The following CHRM3 variants were observed in gnomAD, a reference collection of about 807,000 sequenced individuals.
CHRM3 encodes muscarinic acetylcholine receptor M3.
In CHRM3, 11 loss-of-function variants were observed where a neutral mutation model predicts 41.8. The observed-to-expected ratio is 0.26, with a 90% confidence interval of 0.17 to 0.44. The LOEUF (loss-of-function observed/expected upper bound fraction) is 0.44. CHRM3 is among the 20% of genes least tolerant of loss of function. CHRM3 has a pLI of 1.00. For synonymous variants in CHRM3, 297 were observed against 301.4 expected (o/e 0.99, Z 0.15); for missense variants, 571 against 745.4 (o/e 0.77, Z 2.72).
At chr1:239,661,040 T>C (rs990456993) in intron 4 of CHRM3, among the ~76,000 whole-genome samples, 6 of 152,178 alleles carry the variant, frequency 3.9e-5, no homozygotes, top group African/African-American at 1.4e-4. Flanking sequence ...CTGAGGCATT[T>C]AAAAATAATA....
At chr1:239,491,280 A>G (rs1016328438) in intron 1 of CHRM3, among the ~76,000 whole-genome samples, 1 of 152,346 alleles carries the variant, frequency 6.6e-6, no homozygotes, top group Non-Finnish European at 1.5e-5. Flanking sequence ...GTAGAACACT[A>G]GAACTTATTC....
At chr1:239,575,035 A>T (rs961620584) in intron 3 of CHRM3, among the ~76,000 whole-genome samples, 5 of 152,212 alleles carry the variant, frequency 3.3e-5, no homozygotes, top group African/African-American at 1.2e-4. Context: ...ATAGTGGTAG[A>T]ATCTATGTCC....
At chr1:239,802,138 C>A (rs930659761) in intron 5 of CHRM3, among the ~76,000 whole-genome samples, 1 of 151,902 alleles carries the variant, frequency 6.6e-6, no homozygotes, top group East Asian at 1.9e-4. Flanking sequence ...AAACTTTGTA[C>A]AAGTTCAAGT....
At chr1:239,479,708 C>T (rs1419274327) in intron 1 of CHRM3, among the ~76,000 whole-genome samples, 1 of 152,062 alleles carries the variant, frequency 6.6e-6, no homozygotes, top group Non-Finnish European at 1.5e-5. Flanking sequence ...AATTGTAACA[C>T]AATGGTAAGT....
At chr1:239,621,077 T>C (rs1447984509) in intron 3 of CHRM3, among the ~76,000 whole-genome samples, 4 of 152,164 alleles carry the variant, frequency 2.6e-5, no homozygotes, top group Non-Finnish European at 5.9e-5. Context: ...ATTTTGGTAA[T>C]TCTTGTAGTA....
intron 5 of CHRM3, among the ~76,000 whole-genome samples, chr1:239,790,460 G>A (rs1245544922): frequency 6.6e-6 from 1 of 152,174 alleles, no homozygotes; most frequent in African/African-American, 2.4e-5. Context: ...GTTTTATAAA[G>A]GGGAGTTCCC....
chr1:239,733,380 T>C (rs148559309), intron 5 of CHRM3, among the ~76,000 whole-genome samples: 6 of 152,024 alleles, frequency 3.9e-5, no homozygotes, highest in Admixed American at 3.9e-4. Context: ...TCCCCCGTTG[T>C]CTCAAAGACT....
chr1:239,712,220 G>T (rs1469485994), intron 5 of CHRM3, among the ~76,000 whole-genome samples: 1 of 152,000 alleles, frequency 6.6e-6, no homozygotes, highest in Admixed American at 6.5e-5. Flanking sequence ...CAGTTATCTT[G>T]GTCCCCGATC....
At chr1:239,897,083 C>T (rs1313470354) in intron 6 of CHRM3, among the ~76,000 whole-genome samples, 1 of 152,192 alleles carries the variant, frequency 6.6e-6, no homozygotes, top group Non-Finnish European at 1.5e-5. Flanking sequence ...AGTGCCTAGG[C>T]AATGTGCCCA....
chr1:239,454,378 C>A (rs893764140), intron 1 of CHRM3, among the ~76,000 whole-genome samples: 4 of 152,010 alleles, frequency 2.6e-5, no homozygotes, highest in African/African-American at 9.7e-5. Context: ...ATGCACAGAA[C>A]AAATTGTGGA....
chr1:239,804,000 T>C (rs1558136465), intron 5 of CHRM3, among the ~76,000 whole-genome samples: 1 of 152,198 alleles, frequency 6.6e-6, no homozygotes. Context: ...AACAAATCAA[T>C]TTACCACTTA....
At chr1:239,431,112 G>C (rs975232027) in intron 1 of CHRM3, among the ~76,000 whole-genome samples, 4 of 152,074 alleles carry the variant, frequency 2.6e-5, no homozygotes, top group Non-Finnish European at 4.4e-5. Flanking sequence ...ATATTGAGAA[G>C]TAAAATAAAA....
At chr1:239,551,171 TGAGA>T (rs1659782123) in intron 3 of CHRM3, among the ~76,000 whole-genome samples, 2 of 142,882 alleles carry the variant, frequency 1.4e-5, no homozygotes, top group African/African-American at 2.6e-5. Context: ...TTTTTTTTTT[TGAGA>T]GAGGGAGTTT....
chr1:239,529,394 T>C (rs1431453193), intron 2 of CHRM3, among the ~76,000 whole-genome samples: 1 of 152,080 alleles, frequency 6.6e-6, no homozygotes, highest in Non-Finnish European at 1.5e-5. Context: ...GGCAGACCAC[T>C]TGAGGTCAGG....
At chr1:239,388,487 T>C (rs1346724977) in intron 1 of CHRM3, among the ~76,000 whole-genome samples, 1 of 152,214 alleles carries the variant, frequency 6.6e-6, no homozygotes, top group South Asian at 2.1e-4. Flanking sequence ...TAATTTCATA[T>C]TGTGAGATCG....
intron 3 of CHRM3, among the ~76,000 whole-genome samples, chr1:239,616,846 A>T (rs1382944756): frequency 6.6e-6 from 1 of 151,500 alleles, no homozygotes; most frequent in Non-Finnish European, 1.5e-5. Flanking sequence ...TCAGATTTTT[A>T]AAAATATTCC....
chr1:239,887,471 C>A (rs1280123998), intron 6 of CHRM3, among the ~76,000 whole-genome samples: 1 of 152,194 alleles, frequency 6.6e-6, no homozygotes, highest in Non-Finnish European at 1.5e-5. Flanking sequence ...GCCACCCCCA[C>A]CTCAGCCTCC....
chr1:239,642,884 A>C (rs564251344), intron 4 of CHRM3, among the ~76,000 whole-genome samples: 2 of 151,832 alleles, frequency 1.3e-5, no homozygotes, highest in African/African-American at 2.4e-5. Context: ...TTTTTTCCCC[A>C]TCTTTGTGGT....
At chr1:239,770,438 T>C (rs968805837) in intron 5 of CHRM3, among the ~76,000 whole-genome samples, 7 of 152,170 alleles carry the variant, frequency 4.6e-5, no homozygotes, top group African/African-American at 1.7e-4. Flanking sequence ...TGGTTTAACT[T>C]GGGATTTGAG....
Sources: gnomAD v4.1 joint callset for allele counts (sites outside exome capture counted in the v4.1 genomes callset) on GRCh38, gnomAD v4.1.1 for gene constraint, MANE v1.5 for transcripts, NCBI Gene and HGNC (gene_info 2026-07-23, HGNC 2026-07-21) for gene names.